Variants in HEMK2 observed in about 807,000 individuals in gnomAD.
The protein encoded by HEMK2 is methyltransferase HEMK2.
the HEMK2 span, among the ~76,000 whole-genome samples, chr21:28,581,825 A>C: frequency 1.3e-5 from 2 of 152,212 alleles, no homozygotes; most frequent in African/African-American, 4.8e-5. Context: ...ATTAAAAAGG[A>C]AAATTGAATC....
At chr21:28,614,069 T>A in the HEMK2 span, among the ~76,000 whole-genome samples, 1 of 152,226 alleles carries the variant, frequency 6.6e-6, no homozygotes, top group Admixed American at 6.5e-5. Flanking sequence ...TGCATGTCAA[T>A]TTGAATAAAG....
At chr21:28,701,373 G>A in the HEMK2 span, among the ~76,000 whole-genome samples, 1 of 152,028 alleles carries the variant, frequency 6.6e-6, no homozygotes, top group African/African-American at 2.4e-5. Context: ...CTGCAGATAT[G>A]ATTCTATATA....
chr21:28,820,870 T>C, the HEMK2 span, among the ~76,000 whole-genome samples: 1 of 152,310 alleles, frequency 6.6e-6, no homozygotes, highest in East Asian at 1.9e-4. Context: ...CAATCATATG[T>C]TTTTGTTTTA....
At chr21:28,877,301 A>AAGGAAGGAAGGAAGG in the HEMK2 span, among the ~76,000 whole-genome samples, 687 of 55,134 alleles carry the variant, frequency 0.012, 13 homozygotes, top group African/African-American at 0.025. Context: ...AGGAAGGAAG[A>AAGGAAGGAAGGAAGG]GAGAGAGAAA....
the HEMK2 span, among the ~76,000 whole-genome samples, chr21:28,815,465 A>G: frequency 1.3e-5 from 2 of 152,118 alleles, no homozygotes; most frequent in South Asian, 2.1e-4. Flanking sequence ...ACATCCTACT[A>G]AACAGCTGCC....
At chr21:28,654,435 T>C in the HEMK2 span, among the ~76,000 whole-genome samples, 1 of 152,104 alleles carries the variant, frequency 6.6e-6, no homozygotes, top group East Asian at 1.9e-4. Flanking sequence ...GGATAACCTC[T>C]GACAAGTAGT....
At chr21:28,643,383 G>A in the HEMK2 span, among the ~76,000 whole-genome samples, 1 of 152,114 alleles carries the variant, frequency 6.6e-6, no homozygotes, top group Non-Finnish European at 1.5e-5. Context: ...TGAGAACATA[G>A]AGAAAAGATT....
chr21:28,746,259 T>C, the HEMK2 span, among the ~76,000 whole-genome samples: 1 of 152,242 alleles, frequency 6.6e-6, no homozygotes, highest in Non-Finnish European at 1.5e-5. Context: ...GTATACTTCA[T>C]CACTGTAAAT....
chr21:28,625,151 T>C, the HEMK2 span, among the ~76,000 whole-genome samples: 13 of 152,184 alleles, frequency 8.5e-5, no homozygotes, highest in African/African-American at 2.9e-4. Flanking sequence ...CATAGGTCAG[T>C]AGAAAATGAT....
At chr21:28,607,309 G>C in the HEMK2 span, among the ~76,000 whole-genome samples, 1 of 152,122 alleles carries the variant, frequency 6.6e-6, no homozygotes, top group African/African-American at 2.4e-5. Flanking sequence ...TACTTGGGAG[G>C]CTGAGGCAAG....
the HEMK2 span, among the ~76,000 whole-genome samples, chr21:28,583,308 C>A: frequency 6.6e-6 from 1 of 152,096 alleles, no homozygotes; most frequent in Non-Finnish European, 1.5e-5. Flanking sequence ...GGAGTTTCTT[C>A]CAATAGATGG....
chr21:28,740,131 T>TC, the HEMK2 span, among the ~76,000 whole-genome samples: 1 of 152,250 alleles, frequency 6.6e-6, no homozygotes, highest in African/African-American at 2.4e-5. Flanking sequence ...TGTATGTTTT[T>TC]CATGTAAATT....
the HEMK2 span, among the ~76,000 whole-genome samples, chr21:28,741,606 C>T: frequency 1.3e-5 from 2 of 152,074 alleles, no homozygotes; most frequent in African/African-American, 2.4e-5. Flanking sequence ...TGTGTCTCTG[C>T]GTTCTCATCA....
chr21:28,864,437 C>T, the HEMK2 span, among the ~76,000 whole-genome samples: 1 of 152,044 alleles, frequency 6.6e-6, no homozygotes, highest in Admixed American at 6.5e-5. Flanking sequence ...TCCAAAAGAG[C>T]ATTGCACCAG....
the HEMK2 span, among the ~76,000 whole-genome samples, chr21:28,741,364 A>G: frequency 6.6e-6 from 1 of 152,224 alleles, no homozygotes; most frequent in African/African-American, 2.4e-5. Flanking sequence ...TAGGCATTCA[A>G]ACCTACTACA....
the HEMK2 span, chr21:28,885,307 G>A: frequency 2.5e-6 from 4 of 1,587,622 alleles, no homozygotes; most frequent in African/African-American, 2.7e-5. Flanking sequence ...CGCGGCCCAC[G>A]TGCCCGTGGA....
At chr21:28,663,203 T>C in the HEMK2 span, among the ~76,000 whole-genome samples, 2 of 152,094 alleles carry the variant, frequency 1.3e-5, no homozygotes, top group Non-Finnish European at 2.9e-5. Context: ...AAAAGAGAAA[T>C]GAGAAAGTGC....
At chr21:28,605,727 T>G in the HEMK2 span, among the ~76,000 whole-genome samples, 4 of 152,222 alleles carry the variant, frequency 2.6e-5, no homozygotes, top group Admixed American at 6.5e-5. Flanking sequence ...AATCCATGTA[T>G]CGTGTGTTTA....
At chr21:28,815,588 G>C in the HEMK2 span, among the ~76,000 whole-genome samples, 3 of 151,950 alleles carry the variant, frequency 2.0e-5, no homozygotes, top group Admixed American at 2.0e-4. Flanking sequence ...ACCTTACATA[G>C]CACCTTTCAC....
Sources: gnomAD v4.1 joint callset for allele counts (sites outside exome capture counted in the v4.1 genomes callset) on GRCh38, gnomAD v4.1.1 for gene constraint, MANE v1.5 for transcripts, NCBI Gene and HGNC (gene_info 2026-07-23, HGNC 2026-07-21) for gene names.